The following ZNF384 variants were observed in gnomAD, a reference collection of about 807,000 sequenced individuals.
ZNF384 encodes zinc finger protein 384.
In ZNF384, 20 loss-of-function variants were observed where a neutral mutation model predicts 65.0. The observed-to-expected ratio is 0.31, with a 90% CI of 0.22 to 0.45. The LOEUF (loss-of-function observed/expected upper bound fraction) is 0.45. Among genes scored for constraint, ZNF384 ranks in the 20% least tolerant of loss-of-function variants. ZNF384 has a pLI of 1.00. For synonymous variants in ZNF384, 310 were observed against 303.9 expected (o/e 1.02, Z -0.21); for missense variants, 549 against 769.4 (o/e 0.71, Z 3.39).
Position 6,677,154 on chromosome 12 carries a change from GA to G in ZNF384, c.779+12del, listed in dbSNP as rs1286303162. The G allele has an allele frequency of 8.7e-6, 7 of 807,558 alleles. No individual in the cohort carries two copies. Among genetic ancestry groups the G allele is most frequent in the Admixed American group, 2.4e-5 (1 of 41,842 alleles). 50.0% of individuals were successfully genotyped at this position (807,558 alleles called of 1,614,324 possible). ...TGAGGAAACTGAGGCCCAGAGAGGG[GA>G]AAAGGACTTGCCCAGGGTCACACAG... On this transcript the variant is annotated intron_variant, in intron 7 of 11. Transcript: ENST00000683879.
intron 2 of ZNF384, among the ~76,000 whole-genome samples, chr12:6,683,803 G>A (rs1956966763): frequency 1.3e-5 from 2 of 152,172 alleles, no homozygotes; most frequent in Admixed American, 1.3e-4. Context: ...TGGATCACAA[G>A]GTCAGAAGTT....
In ZNF384 at chr12:6,678,455, C is replaced by T. The variant is rs1263571834; in HGVS notation, c.358G>A (p.Gly120Ser). The T allele has an allele frequency of 5.7e-6, 9 of 1,580,610 alleles. No homozygotes were observed. The African/African-American group carries it at 6.7e-5, about 12-fold the overall frequency. Reference sequence around the variant, plus strand: ...CCTGAGGGGGACGTGATTACCAAACCCGGACCTAGGATTGGGAGAAAAAGG... The same window carrying T: ...CCTGAGGGGGACGTGATTACCAAACTCGGACCTAGGATTGGGAGAAAAAGG... The part of the protein sequence containing the change: ...RREGSQSRGP[G>S]LVITSPSGSL... Residue 120 changes from glycine to serine, a missense_variant, in exon 6 of 12, where the codon GGT (glycine) becomes AGT (serine). Gly to Ser is a moderately conservative substitution (Grantham distance 56, BLOSUM62 0). Around this residue, in one of 5 missense-constraint regions of ZNF384, gnomAD observed 277 missense variants for 337.2 expected, o/e 0.82. Transcript: ENST00000683879. The surrounding 1 kb of genome is among the most constrained non-coding windows in gnomAD (Gnocchi z 4.9).
chr12:6,685,964 A>C (rs1361670509), intron 2 of ZNF384, among the ~76,000 whole-genome samples: 2 of 152,122 alleles, frequency 1.3e-5, no homozygotes, highest in African/African-American at 4.8e-5. Context: ...GTAGGACTTG[A>C]ACTCTTGGCC....
chr12:6,671,427 G>T (rs939926588), intron 9 of ZNF384: 7 of 152,670 alleles, frequency 4.6e-5, no homozygotes, highest in African/African-American at 1.7e-4. Context: ...ACACCACAGG[G>T]CCCTCTGCTA....
chr12:6,677,147 G>T lies in ZNF384; in HGVS notation c.779+20C>A. 1 of 705,868 alleles carries T rather than the reference G, an allele frequency of 1.4e-6. No individual in the cohort carries two copies. The highest frequency in any genetic ancestry group is 2.2e-6 in the Non-Finnish European group (1 of 454,054). 43.7% of individuals were successfully genotyped at this position (705,868 alleles called of 1,614,324 possible). A position where few individuals can be genotyped will look rare whatever the true frequency, so the allele number is the denominator to read the frequency against. ...TTACAGATGAGGAAACTGAGGCCCA[G>T]AGAGGGGAAAAGGACTTGCCCAGGG... is the stretch of plus-strand genomic sequence containing the variant. On this transcript the variant is annotated intron_variant, in intron 7 of 11. Transcript: ENST00000683879.
At chr12:6,683,347 AC>A (rs1314820175) in intron 2 of ZNF384, among the ~76,000 whole-genome samples, 1 of 150,786 alleles carries the variant, frequency 6.6e-6, no homozygotes, top group Non-Finnish European at 1.5e-5. Flanking sequence ...GGGAGAATAA[AC>A]GAAAGAAAGG....
In ZNF384 at chr12:6,667,818, A is replaced by G; in HGVS notation, c.1723T>C (p.Cys575Arg). Residue 575 changes from cysteine to arginine, a missense_variant, in exon 12 of 12, where the codon TGT (cysteine) becomes CGT (arginine). Cys to Arg is a radical substitution (Grantham distance 180). This residue lies in a region of ZNF384 where 136 missense variants were observed against 183.0 expected (regional missense o/e 0.74). Transcript: ENST00000683879. ...TTATACGGGGTCAGGTCAAAGGAAC[A>G]CTGGGGTGGAGGGTTGGGATTGCTG... ...GDSNPNPPPQ[C>R]SFDLTPYKTA... is the part of the protein sequence containing the mutation. The G allele has an allele frequency of 6.2e-7, 1 of 1,614,208 alleles. No individual in the cohort carries two copies. The highest frequency in any genetic ancestry group is 1.6e-4 in the Middle Eastern group (1 of 6,062).
chr12:6,688,566 C>A (rs1052628911), intron 1 of ZNF384: 1 of 152,610 alleles, frequency 6.6e-6, no homozygotes, highest in African/African-American at 2.4e-5. Context: ...GTCTGTGCCC[C>A]TGAGGAGTGG....
rs183997731 is a variant in ZNF384, at chr12:6,668,399, T to G, written c.1426-284A>C. ...AACAACTTTACAACCTTTTCTGGAG[T>G]CTCATGGAAAATATCTAACTGGGCC... On this transcript the variant is annotated intron_variant, in intron 11 of 11. Transcript: ENST00000683879. 2.4e-4 allele frequency among the ~76,000 whole-genome samples: 36 copies of G among 151,888 alleles called. No homozygotes were observed. In the East Asian group the frequency reaches 5.0e-3, roughly 21 times the overall value.
rs1950119126 is a variant in ZNF384, at chr12:6,667,866, G to A, written c.1675C>T (p.Pro559Ser). Residue 559 changes from proline (P) to serine (S), a missense_variant, in exon 12 of 12, where the codon CCC becomes TCC. By Grantham distance (74) the Pro-to-Ser change is moderately conservative. Around this residue, in one of 5 missense-constraint regions of ZNF384, gnomAD observed 136 missense variants for 183.0 expected, o/e 0.74. Transcript: ENST00000683879. ...PPHFQSPGAA[P>S]QGGGGGDSNP... The stretch of plus-strand genomic sequence containing the variant: ...CTGTCCCCACCACCCCCACCCTGGG[G>A]GGCTGCCCCAGGAGACTGGAAGTGT... 6.2e-7 allele frequency: 1 copy of A among 1,613,968 alleles called. No individual in the cohort carries two copies. The highest frequency in any genetic ancestry group is 8.5e-7 in the Non-Finnish European group (1 of 1,180,018).
intron 2 of ZNF384, among the ~76,000 whole-genome samples, chr12:6,680,826 C>T (rs2137059904): frequency 6.6e-6 from 1 of 152,270 alleles, no homozygotes; most frequent in Non-Finnish European, 1.5e-5. Context: ...TGTCCTGGCA[C>T]TAGTAGTAAC....
At chr12:6,674,727 A>G (rs866588446) in intron 7 of ZNF384, among the ~76,000 whole-genome samples, 1 of 152,256 alleles carries the variant, frequency 6.6e-6, no homozygotes, top group African/African-American at 2.4e-5. Context: ...AAACTTGCTC[A>G]TTAACAGACC....
At position 6,667,521 on chromosome 12, in the gene ZNF384, A is replaced by G. The variant is rs1950028956; in HGVS notation, c.*193T>C. ...ATCAGCTCAGTATTCCTTTGCAATC[A>G]GGAGGGCTGATGTTCCTTTTGAAGA... On this transcript the variant is annotated 3_prime_UTR_variant, in exon 12 of 12. Coordinates refer to ENST00000683879, the MANE Select transcript of ZNF384 (RefSeq NM_001385745.1). 1.3e-6 allele frequency: 1 copy of G among 766,122 alleles called. No homozygotes were observed. Among genetic ancestry groups the G allele is most frequent in the Non-Finnish European group, 2.3e-6 (1 of 443,224 alleles). 47.5% of individuals were successfully genotyped at this position (766,122 alleles called of 1,614,324 possible).
At chr12:6,680,382 C>T (rs1310577968) in intron 2 of ZNF384, among the ~76,000 whole-genome samples, 1 of 152,190 alleles carries the variant, frequency 6.6e-6, no homozygotes, top group Non-Finnish European at 1.5e-5. Flanking sequence ...GGCATGGTGG[C>T]TCACACCTGT....
At chr12:6,676,106 C>T (rs2136804482) in intron 7 of ZNF384, among the ~76,000 whole-genome samples, 1 of 152,290 alleles carries the variant, frequency 6.6e-6, no homozygotes, top group South Asian at 2.1e-4. Flanking sequence ...TCGAGACCAG[C>T]CTGGCCAACG....
In ZNF384 at chr12:6,672,550, A is replaced by T; in HGVS notation, c.1005-18T>A. 2 of 1,611,882 alleles carry T rather than the reference A, an allele frequency of 1.2e-6. No homozygotes were observed. The highest frequency in any genetic ancestry group is 1.7e-6 in the Non-Finnish European group (2 of 1,178,680). On this transcript the variant is annotated intron_variant, in intron 8 of 11. Coordinates refer to ENST00000683879, the MANE Select transcript of ZNF384 (RefSeq NM_001385745.1). This position sits in a 1 kb window ranked among gnomAD's most constrained non-coding sequence, Gnocchi z 4.4. ...AGTGGATCCTGCCGGAGAGGAGAGG[A>T]GGGAAGGGGGGAGGAGGAAGCAGTT...
rs1198631931 is a variant in ZNF384 at position 6,678,121 on chromosome 12, T to C, written c.686+6A>G. On this transcript the variant is annotated splice_donor_region_variant and intron_variant, in intron 6 of 11. Coordinates refer to ENST00000683879, the MANE Select transcript of ZNF384 (RefSeq NM_001385745.1). The surrounding 1 kb of genome is among the most constrained non-coding windows in gnomAD (Gnocchi z 4.9). ...GCCCCATCCTGCCCCTGGCTCTGAG[T>C]CTTACCTGTAGGTCTTGCCGTCTTT... The C allele has an allele frequency of 6.2e-7, 1 of 1,606,574 alleles. No individual in the cohort carries two copies. Among genetic ancestry groups the C allele is most frequent in the South Asian group, 1.1e-5 (1 of 90,484 alleles).
intron 2 of ZNF384, 112 bp downstream of exon 2, chr12:6,688,055 T>C (rs1029046974): frequency 1.0e-4 from 16 of 152,552 alleles, no homozygotes; most frequent in East Asian, 5.8e-4. Flanking sequence ...AGCATTACAA[T>C]TGCTATTACT....
At chr12:6,677,319 C>G in intron 6 of ZNF384, 60 bp from the exon 7 acceptor site, 2 of 1,262,568 alleles carry the variant, frequency 1.6e-6, no homozygotes, top group East Asian at 5.0e-5. Context: ...CAGACCCAGA[C>G]TCCCAGCCAT....
Sources: gnomAD v4.1 joint callset for allele counts (sites outside exome capture counted in the v4.1 genomes callset) on GRCh38, gnomAD v4.1.1 for gene constraint, gnomAD v4.1.1 regional missense constraint, Gnocchi (gnomAD v3.1) non-coding constraint, MANE v1.5 for transcripts, NCBI Gene and HGNC (gene_info 2026-07-23, HGNC 2026-07-21) for gene names.